Variants in RAD54L2 observed in about 807,000 individuals in gnomAD.
RAD54L2 encodes the protein helicase ARIP4.
RAD54L2 carries 27 observed loss-of-function variants against 138.4 expected under a neutral mutation model. The ratio of observed to expected loss-of-function variants is 0.20; its 90% CI spans 0.14 to 0.27. The LOEUF is 0.27. Ranked by LOEUF, RAD54L2 falls within the 10% of genes least tolerant of loss-of-function variation. The pLI is 1.00. For synonymous variants in RAD54L2, 644 were observed against 723.2 expected (o/e 0.89, Z 1.76); for missense variants, 1,396 against 1,890.2 (o/e 0.74, Z 4.85).
At chr3:51,643,242 T>C (rs1701185707) in intron 15 of RAD54L2, among the ~76,000 whole-genome samples, 1 of 151,992 alleles carries the variant, frequency 6.6e-6, no homozygotes, top group Non-Finnish European at 1.5e-5. Flanking sequence ...ACCATGTGGG[T>C]CAGGATGGTC....
Position 51,646,429 on chromosome 3 carries a change from C to G in RAD54L2, c.2974C>G (p.Pro992Ala), listed in dbSNP as rs1701281685. Residue 992 changes from proline to alanine, a missense_variant, in exon 19 of 23, where the codon CCT becomes GCT. Physicochemically the swap from Pro to Ala is conservative, Grantham distance 27. This residue lies in a region of RAD54L2 where 634 missense variants were observed against 711.2 expected (regional missense o/e 0.89). Transcript: ENST00000684192. ...YTRPSYAQYYPASDQSLTSIP... is the reference protein window; with the variant it reads ...YTRPSYAQYYAASDQSLTSIP... Reference sequence around the variant, plus strand: ...CCGCCCATCGTATGCGCAGTATTACCCTGCCAGCGATCAGAGCCTGACCAG... The same window carrying G: ...CCGCCCATCGTATGCGCAGTATTACGCTGCCAGCGATCAGAGCCTGACCAG... 1 of 1,613,800 alleles carries G rather than the reference C, an allele frequency of 6.2e-7. No homozygotes were observed. The highest frequency in any genetic ancestry group is 1.3e-5 in the African/African-American group (1 of 75,038).
chr3:51,642,567 G>T (rs1342432627), intron 15 of RAD54L2, among the ~76,000 whole-genome samples: 1 of 152,002 alleles, frequency 6.6e-6, no homozygotes, highest in Non-Finnish European at 1.5e-5. Flanking sequence ...TTGTTATAAG[G>T]GGCTGTCCTG....
Position 51,627,598 on chromosome 3 carries a change from G to T in RAD54L2, c.185G>T (p.Gly62Val), listed in dbSNP as rs774990526. 9.6e-6 allele frequency: 15 copies of T among 1,557,620 alleles called. No individual in the cohort carries two copies. The highest frequency in any genetic ancestry group is 2.6e-6 in the Non-Finnish European group (3 of 1,151,072). ...TGTGGCACTGAGCATGCCCAGTTGG[G>T]AGAAGATGGGCAGCAGCCGCCGCGG... ...GMCGTEHAQL[G>V]EDGQQPPRCT... The change falls in exon 4 of 23, where the codon GGA (glycine) becomes GTA (valine). Residue 62 changes from glycine (G) to valine (V), a missense_variant. Physicochemically the swap from Gly to Val is moderately radical, Grantham distance 109. Around this residue, in one of 7 missense-constraint regions of RAD54L2, gnomAD observed 256 missense variants for 344.6 expected, o/e 0.74. Transcript: ENST00000684192.
chr3:51,613,506 C>T (rs894189870), intron 3 of RAD54L2, among the ~76,000 whole-genome samples: 1 of 152,122 alleles, frequency 6.6e-6, no homozygotes, highest in African/African-American at 2.4e-5. Flanking sequence ...TGGCGGCTCA[C>T]GCCTATAATC....
intron 5 of RAD54L2, among the ~76,000 whole-genome samples, 158 bp downstream of exon 5, chr3:51,629,631 GA>G (rs2106795150): frequency 6.6e-6 from 1 of 152,246 alleles, no homozygotes; most frequent in South Asian, 2.1e-4. Flanking sequence ...GGCTGAGGCA[GA>G]TGGATTGCCT....
In RAD54L2 at chr3:51,630,873, C is replaced by T; in HGVS notation, c.767C>T (p.Pro256Leu). ...GTCCTTGTCAACCTAAACCACCCTC[C>T]AGAGGAGGAAAATGTCTTCCTTGCC... ...GRVLVNLNHP[P>L]EEENVFLAPQ... is the part of the protein sequence containing the mutation. The change falls in exon 7 of 23, where the codon CCA becomes CTA. Residue 256 changes from proline (P) to leucine (L), a missense_variant. Around this residue, in one of 7 missense-constraint regions of RAD54L2, gnomAD observed 256 missense variants for 344.6 expected, o/e 0.74. Transcript: ENST00000684192. The T allele has an allele frequency of 1.2e-6, 2 of 1,614,010 alleles. No homozygotes were observed. Among genetic ancestry groups the T allele is most frequent in the Non-Finnish European group, 1.7e-6 (2 of 1,179,884 alleles).
In RAD54L2 at chr3:51,645,681, C is replaced by T. The variant is rs368465227; in HGVS notation, c.2747C>T (p.Pro916Leu). 1.5e-5 allele frequency: 24 copies of T among 1,612,320 alleles called. No homozygotes were observed. The highest frequency in any genetic ancestry group is 1.9e-5 in the Non-Finnish European group (22 of 1,179,348). Reference sequence around the variant, plus strand: ...CACTTTGTTGAGAAGGAGCCAGCTCCCCAAGTTTCCTTGAACGTAAAGGGG... The same window carrying T: ...CACTTTGTTGAGAAGGAGCCAGCTCTCCAAGTTTCCTTGAACGTAAAGGGG... ...LLHFVEKEPA[P>L]QVSLNVKGIK... is the part of the protein sequence containing the mutation. Residue 916 changes from proline to leucine, a missense_variant, in exon 18 of 23, where the codon CCC becomes CTC. By Grantham distance (98) the Pro-to-Leu change is moderately conservative. This residue lies in a region of RAD54L2 where 78 missense variants were observed against 171.6 expected (regional missense o/e 0.45). Transcript: ENST00000684192. The surrounding 1 kb of genome is among the most constrained non-coding windows in gnomAD (Gnocchi z 6.1).
intron 3 of RAD54L2, among the ~76,000 whole-genome samples, chr3:51,605,961 A>G (rs1368973484): frequency 3.3e-5 from 5 of 152,300 alleles, no homozygotes; most frequent in African/African-American, 7.2e-5. Flanking sequence ...ACCTGAGAAC[A>G]TGAATTAGAA....
intron 10 of RAD54L2, 196 bp from the exon 11 acceptor site, chr3:51,636,965 T>G (rs1700996877): frequency 3.4e-6 from 2 of 595,976 alleles, no homozygotes; most frequent in Non-Finnish European, 6.0e-6. Context: ...ACTGCCAGAT[T>G]AGCATTCATA....
intron 2 of RAD54L2, among the ~76,000 whole-genome samples, chr3:51,558,220 G>A (rs536631333): frequency 1.3e-5 from 2 of 152,190 alleles, no homozygotes; most frequent in Non-Finnish European, 2.9e-5. Context: ...CTGATTGACC[G>A]AATCCATGCT....
chr3:51,635,462 TG>T, intron 9 of RAD54L2, 130 bp from the exon 10 acceptor site: 1 of 1,010,710 alleles, frequency 9.9e-7, no homozygotes, highest in Non-Finnish European at 1.4e-6. Context: ...ATGAAATCTT[TG>T]GTAATAAGAA....
intron 20 of RAD54L2, 93 bp downstream of exon 20, chr3:51,656,263 C>A: frequency 8.4e-7 from 1 of 1,195,414 alleles, no homozygotes; most frequent in Non-Finnish European, 1.1e-6. Context: ...TTTTGTATTT[C>A]TGGCCTTACT....
At chr3:51,624,624 G>A (rs893118415) in intron 3 of RAD54L2, among the ~76,000 whole-genome samples, 5 of 152,026 alleles carry the variant, frequency 3.3e-5, no homozygotes, top group Non-Finnish European at 5.9e-5. Context: ...TACTACAATT[G>A]TTCTCCTCCA....
At position 51,663,552 on chromosome 3, in the gene RAD54L2, T is replaced by A; in HGVS notation, c.*132T>A. 1.3e-6 allele frequency: 1 copy of A among 776,340 alleles called. No homozygotes were observed. The highest frequency in any genetic ancestry group is 3.8e-5 in the Admixed American group (1 of 26,642). The allele number at this position is 776,340 out of a possible 1,614,324, so 48.1% of individuals were successfully genotyped here. On this transcript the variant is annotated 3_prime_UTR_variant, in exon 23 of 23. Coordinates refer to ENST00000684192, the MANE Select transcript of RAD54L2 (RefSeq NM_015106.4). ...AAGGAAGAGGACAAAGGAGGGTGGT[T>A]GGCCAAAGTGGCAGAGCTCTGTTGC... is the stretch of plus-strand genomic sequence containing the variant.
At chr3:51,577,733 G>A (rs1163547384) in intron 2 of RAD54L2, among the ~76,000 whole-genome samples, 1 of 152,066 alleles carries the variant, frequency 6.6e-6, no homozygotes, top group Non-Finnish European at 1.5e-5. Context: ...TTGAGCCTAT[G>A]TGTGTCTCTG....
intron 2 of RAD54L2, among the ~76,000 whole-genome samples, chr3:51,586,718 G>A (rs774997578): frequency 6.6e-6 from 1 of 151,850 alleles, no homozygotes; most frequent in South Asian, 2.1e-4. Context: ...ATAGGCATGC[G>A]CTACTATGCC....
chr3:51,584,737 G>A (rs1056010829), intron 2 of RAD54L2, among the ~76,000 whole-genome samples: 13 of 150,440 alleles, frequency 8.6e-5, no homozygotes, highest in Non-Finnish European at 1.5e-4. Flanking sequence ...TAAATTCCTT[G>A]TCTATTTTTT....
At chr3:51,620,735 C>A (rs185951324) in intron 3 of RAD54L2, among the ~76,000 whole-genome samples, 3 of 152,200 alleles carry the variant, frequency 2.0e-5, no homozygotes, top group East Asian at 3.9e-4. Context: ...AGCTGGCTCA[C>A]GTGAAGGAGA....
In RAD54L2 at chr3:51,662,179, G is replaced by A. The variant is rs1187983349; in HGVS notation, c.3410-247G>A. ...CCCTTATCTCGTAGGATTCATTTTG[G>A]TATAGTTTTACAGTTTGGGGAACTG... On this transcript the variant is annotated intron_variant, in intron 22 of 22. Transcript: ENST00000684192. The surrounding 1 kb of genome is among the most constrained non-coding windows in gnomAD (Gnocchi z 4.6). Among the ~76,000 whole-genome samples, 1 of 152,036 alleles carries A rather than the reference G, an allele frequency of 6.6e-6. No homozygotes were observed. Among genetic ancestry groups the A allele is most frequent in the Non-Finnish European group, 1.5e-5 (1 of 68,002 alleles).
Sources: gnomAD v4.1 joint callset for allele counts (sites outside exome capture counted in the v4.1 genomes callset) on GRCh38, gnomAD v4.1.1 for gene constraint, gnomAD v4.1.1 regional missense constraint, Gnocchi (gnomAD v3.1) non-coding constraint, MANE v1.5 for transcripts, NCBI Gene and HGNC (gene_info 2026-07-23, HGNC 2026-07-21) for gene names.